The following RNF111 variants were observed in gnomAD, a reference collection of about 807,000 sequenced individuals.
RNF111 encodes the protein ring finger protein 111.
RNF111 carries 17 observed loss-of-function variants against 95.1 expected under a neutral mutation model. The ratio of observed to expected loss-of-function variants is 0.18; its 90% CI spans 0.12 to 0.27. The LOEUF (loss-of-function observed/expected upper bound fraction) is 0.27. Among genes scored for constraint, RNF111 ranks in the 10% least tolerant of loss-of-function variants. RNF111 has a pLI of 1.00. For synonymous variants in RNF111, 440 were observed against 414.8 expected, an observed-to-expected ratio of 1.06 and a Z score of -0.74; for missense variants, 1,189 against 1,210.4, an observed-to-expected ratio of 0.98 and a Z score of 0.26.
intron 4 of RNF111, among the ~76,000 whole-genome samples, chr15:59,057,206 C>A (rs182821394): frequency 6.6e-6 from 1 of 152,284 alleles, no homozygotes; most frequent in African/African-American, 2.4e-5. Flanking sequence ...ATGCTGTTCA[C>A]AGTGCACATC....
chr15:58,989,177 T>C lies in RNF111; in HGVS notation c.-20+1109T>C, dbSNP rs74017335. Among the ~76,000 whole-genome samples, 658 of 152,344 alleles carry C rather than the reference T, an allele frequency of 4.3e-3. 3 individuals are homozygous for C. Among genetic ancestry groups the C allele is most frequent in the African/African-American group, 0.015 (610 of 41,580 alleles). Reference sequence around the variant, plus strand: ...TACATCTTTTGATAGTTTATTACTATATGTATTTTTGTAAAAATCTTCATG... The same window carrying C: ...TACATCTTTTGATAGTTTATTACTACATGTATTTTTGTAAAAATCTTCATG... On this transcript the variant is annotated intron_variant, in intron 1 of 13. Coordinates refer to ENST00000348370, the MANE Select transcript of RNF111 (RefSeq NM_017610.8).
rs17236432 is a variant in RNF111, at chr15:59,088,012, A to G, written c.2551-1655A>G. On this transcript the variant is annotated intron_variant, in intron 10 of 13. Transcript: ENST00000348370. ...ACAGTGAATATAGCCTTCTTGCTTT[A>G]TAAGCTTGGCTGTGAAGGGAAAGTG... Among the ~76,000 whole-genome samples, 1,486 of 152,332 alleles carry G rather than the reference A, an allele frequency of 9.8e-3. 16 individuals carry two copies. Among genetic ancestry groups the G allele is most frequent in the East Asian group, 0.052 (268 of 5,184 alleles).
At chr15:59,065,818 C>T (rs896333049) in intron 5 of RNF111, among the ~76,000 whole-genome samples, 13 of 152,234 alleles carry the variant, frequency 8.5e-5, no homozygotes, top group African/African-American at 2.9e-4. Context: ...TAAGACCAGC[C>T]TGGGCAATGT....
intron 2 of RNF111, among the ~76,000 whole-genome samples, chr15:59,045,919 T>C (rs1349605158): frequency 6.6e-6 from 1 of 152,228 alleles, no homozygotes; most frequent in Non-Finnish European, 1.5e-5. Flanking sequence ...TTTTGTTGTT[T>C]TTCTGCCTGT....
At chr15:59,022,000 C>CA (rs2040367655) in intron 1 of RNF111, among the ~76,000 whole-genome samples, 1 of 151,908 alleles carries the variant, frequency 6.6e-6, no homozygotes, top group Admixed American at 6.6e-5. Flanking sequence ...GCTGGAACTA[C>CA]AGGCGCGTGC....
At chr15:59,080,795 G>A (rs1050455549) in intron 7 of RNF111, 141 bp from the exon 8 acceptor site, 15 of 639,978 alleles carry the variant, frequency 2.3e-5, no homozygotes, top group African/African-American at 3.7e-5. Flanking sequence ...TGCTTGAGCA[G>A]TTGCTTGAAT....
chr15:59,054,663 T>C (rs750797999), intron 3 of RNF111, among the ~76,000 whole-genome samples: 2 of 152,158 alleles, frequency 1.3e-5, no homozygotes, highest in East Asian at 1.9e-4. Context: ...ATTTTAGAAT[T>C]TGAACTTTTT....
intron 1 of RNF111, among the ~76,000 whole-genome samples, chr15:59,000,690 CAG>C (rs2039289154): frequency 1.4e-5 from 2 of 146,722 alleles, no homozygotes; most frequent in African/African-American, 5.1e-5. Context: ...TCCTGGGTGA[CAG>C]AGCTGAACTC....
At chr15:59,004,159 G>C (rs1189983266) in intron 1 of RNF111, 42 of 1,209,408 alleles carry the variant, frequency 3.5e-5, no homozygotes, top group Non-Finnish European at 4.2e-5. Context: ...GGCAGTTCTG[G>C]ATTAGCAGTT....
At chr15:59,085,939 G>A (rs1299549188) in intron 10 of RNF111, among the ~76,000 whole-genome samples, 154 bp downstream of exon 10, 1 of 152,126 alleles carries the variant, frequency 6.6e-6, no homozygotes, top group African/African-American at 2.4e-5. Context: ...GGTATTAGAT[G>A]TATTAAAATC....
At chr15:59,020,858 A>G (rs1260331215) in intron 1 of RNF111, among the ~76,000 whole-genome samples, 6 of 152,168 alleles carry the variant, frequency 3.9e-5, no homozygotes, top group Non-Finnish European at 5.9e-5. Flanking sequence ...CTTTGTTTCT[A>G]TACTTCAAAC....
chr15:58,998,441 C>A (rs1347090993), intron 1 of RNF111, among the ~76,000 whole-genome samples: 1 of 152,144 alleles, frequency 6.6e-6, no homozygotes, highest in South Asian at 2.1e-4. Context: ...TGTTCTTCCC[C>A]TCATTGTGTC....
At chr15:59,044,340 C>G (rs1596183337) in intron 2 of RNF111, among the ~76,000 whole-genome samples, 1 of 151,912 alleles carries the variant, frequency 6.6e-6, no homozygotes, top group East Asian at 1.9e-4. Context: ...CATGGAAACT[C>G]TTCTTATTGT....
At chr15:59,074,745 A>AT (rs2043096417) in intron 6 of RNF111, among the ~76,000 whole-genome samples, 1 of 151,836 alleles carries the variant, frequency 6.6e-6, no homozygotes, top group Admixed American at 6.6e-5. Context: ...TCTTTCAAGG[A>AT]TTTTTCCTTT....
chr15:58,988,541 G>A (rs1418583478), intron 1 of RNF111: 1 of 152,334 alleles, frequency 6.6e-6, no homozygotes, highest in Admixed American at 6.5e-5. Flanking sequence ...GTATGGAGTT[G>A]GCTTGTTGGT....
At chr15:59,031,725 A>T (rs2040918939) in intron 2 of RNF111, 23 bp downstream of exon 2, 2 of 1,602,404 alleles carry the variant, frequency 1.2e-6, no homozygotes, top group Non-Finnish European at 1.7e-6. Flanking sequence ...AAGCTGAGTA[A>T]AACATGGAAC....
At chr15:59,088,640 C>T (rs1217081939) in intron 10 of RNF111, among the ~76,000 whole-genome samples, 1 of 152,190 alleles carries the variant, frequency 6.6e-6, no homozygotes, top group Non-Finnish European at 1.5e-5. Context: ...CTAATACTCT[C>T]ACTATGCATG....
intron 5 of RNF111, among the ~76,000 whole-genome samples, chr15:59,066,163 C>T (rs2042644919): frequency 6.6e-6 from 1 of 152,142 alleles, no homozygotes; most frequent in African/African-American, 2.4e-5. Context: ...TACAGTTTTA[C>T]TGGTAATAAA....
At chr15:59,090,505 C>T (rs1032330696) in intron 11 of RNF111, among the ~76,000 whole-genome samples, 5 of 152,196 alleles carry the variant, frequency 3.3e-5, no homozygotes, top group African/African-American at 9.6e-5. Context: ...ACTGGGATTA[C>T]AGGCGCAAGC....
Sources: allele counts gnomAD v4.1 joint callset (sites outside exome capture counted in the v4.1 genomes callset), GRCh38; gene constraint gnomAD v4.1.1; transcripts MANE v1.5; gene names NCBI Gene and HGNC (gene_info 2026-07-23, HGNC 2026-07-21).